Variants in PCDHA3 observed in about 807,000 individuals in gnomAD.
The protein encoded by PCDHA3 is protocadherin alpha-3.
A neutral mutation model predicts 62.2 loss-of-function variants in PCDHA3; 41 were observed. That is an observed-to-expected ratio of 0.66 (90% CI 0.51 to 0.86). The LOEUF is 0.86. Ranked by LOEUF, PCDHA3 falls within the 40% of genes least tolerant of loss-of-function variation. The pLI, the probability that PCDHA3 is intolerant of heterozygous loss-of-function variation, is 0.00. For missense variants in PCDHA3, 1,304 were observed against 1,241.2 expected (o/e 1.05, Z -0.76); for synonymous variants, 640 against 555.4 (o/e 1.15, Z -2.14).
In PCDHA3 at chr5:140,937,572, G is replaced by C. The variant is rs113857647; in HGVS notation, c.2395-41377G>C. On this transcript the variant is annotated intron_variant, in intron 1 of 3. Transcript: ENST00000522353. ...GCAGAGGTTGCAGTGAGCTGGGATC[G>C]CGTCACTGCACTCTAGCCTGGGCAA... Among the ~76,000 whole-genome samples, 273 of 151,500 alleles carry C rather than the reference G, an allele frequency of 1.8e-3. 1 individual carries two copies. Among genetic ancestry groups the C allele is most frequent in the African/African-American group, 6.4e-3 (263 of 41,048 alleles).
intron 3 of PCDHA3, among the ~76,000 whole-genome samples, chr5:141,005,306 C>T (rs1563689503): frequency 6.6e-6 from 1 of 152,158 alleles, no homozygotes; most frequent in Non-Finnish European, 1.5e-5. Context: ...CTTTGTGAAT[C>T]TTACAGTGGT....
chr5:140,830,086 T>G, intron 1 of PCDHA3: 1 of 1,613,548 alleles, frequency 6.2e-7, no homozygotes, highest in African/African-American at 1.3e-5. Context: ...CGGCCACGGT[T>G]CTGGTGTCGC....
chr5:140,877,156 G>A (rs1471783281), intron 1 of PCDHA3: 1 of 1,613,692 alleles, frequency 6.2e-7, no homozygotes, highest in Admixed American at 1.7e-5. Context: ...GAACGACAAC[G>A]CGCCGGCACT....
At position 140,809,055 on chromosome 5, in the gene PCDHA3, G is replaced by A. The variant is rs576133564; in HGVS notation, c.2394+5464G>A. On this transcript the variant is annotated intron_variant, in intron 1 of 3. Coordinates refer to ENST00000522353, the MANE Select transcript of PCDHA3 (RefSeq NM_018906.3). Reference sequence around the variant, plus strand: ...ACTGGTGGCGCGCGCATCCCGTTCCGCGTGGGGCTGTACACTGGCGAGATC... The same window carrying A: ...ACTGGTGGCGCGCGCATCCCGTTCCACGTGGGGCTGTACACTGGCGAGATC... 2.1e-5 allele frequency: 34 copies of A among 1,613,866 alleles called. No homozygotes were observed. The South Asian group carries it at 3.0e-4, about 14-fold the overall frequency.
chr5:140,808,455 T>C, intron 1 of PCDHA3: 1 of 1,614,220 alleles, frequency 6.2e-7, no homozygotes. Context: ...GCCTATGAGC[T>C]GGTGGTGACC....
intron 1 of PCDHA3, chr5:140,811,426 G>A (rs2150026278): frequency 6.6e-6 from 1 of 152,276 alleles, no homozygotes; most frequent in African/African-American, 2.4e-5. Context: ...CATTTGGGTT[G>A]GTTCCAAGTC....
At chr5:140,838,152 C>G (rs1353802529) in intron 1 of PCDHA3, among the ~76,000 whole-genome samples, 3 of 150,110 alleles carry the variant, frequency 2.0e-5, no homozygotes, top group Non-Finnish European at 4.4e-5. Context: ...TTTACTCTGT[C>G]GCCCTCTCTG....
intron 1 of PCDHA3, chr5:140,969,172 G>T (rs782196654): frequency 1.2e-5 from 19 of 1,614,086 alleles, no homozygotes; most frequent in Non-Finnish European, 1.5e-5. Context: ...CAGGCTCAGG[G>T]AGTGACACTT....
chr5:140,834,258 C>T, intron 1 of PCDHA3: 2 of 940,106 alleles, frequency 2.1e-6, no homozygotes, highest in Non-Finnish European at 3.2e-6. Context: ...AAAGACGCTC[C>T]ACTCTCTTTC....
intron 1 of PCDHA3, chr5:140,877,460 C>T: frequency 6.2e-7 from 1 of 1,613,840 alleles, no homozygotes; most frequent in Non-Finnish European, 8.5e-7. Context: ...ACGTCCACGG[C>T]CACGGTGCTG....
At chr5:140,995,488 C>T (rs1402273935) in intron 3 of PCDHA3, among the ~76,000 whole-genome samples, 26 of 152,182 alleles carry the variant, frequency 1.7e-4, no homozygotes, top group Admixed American at 1.6e-3. Context: ...TATTTTCAGA[C>T]TAAGGTTGAC....
In PCDHA3 at chr5:141,011,905, G is replaced by C. The variant is rs1400272126; in HGVS notation, c.*1968G>C. 4 of 153,222 alleles carry C rather than the reference G, an allele frequency of 2.6e-5. No individual in the cohort carries two copies. Among genetic ancestry groups the C allele is most frequent in the African/African-American group, 9.7e-5 (4 of 41,224 alleles). The allele number at this position is 153,222 out of a possible 1,614,324, so 9.5% of individuals were successfully genotyped here. A position where few individuals can be genotyped will look rare whatever the true frequency, so the allele number is the denominator to read the frequency against. ...TTGATTAATTATATTATCTATTTAG[G>C]CATTAATATAAAAGAGGTAGGAGTC... On this transcript the variant is annotated 3_prime_UTR_variant, in exon 4 of 4. Coordinates refer to ENST00000522353, the MANE Select transcript of PCDHA3 (RefSeq NM_018906.3).
At chr5:140,850,233 A>G in intron 1 of PCDHA3, 1 of 1,593,908 alleles carries the variant, frequency 6.3e-7, no homozygotes, top group Non-Finnish European at 8.6e-7. Context: ...AGTGAGCGAG[A>G]TGGTGCTGCG....
In PCDHA3 at chr5:140,884,156, G is replaced by C. The variant is rs1554181298; in HGVS notation, c.2394+80565G>C. 1 of 1,613,448 alleles carries C rather than the reference G, an allele frequency of 6.2e-7. No homozygotes were observed. Among genetic ancestry groups the C allele is most frequent in the Admixed American group, 1.7e-5 (1 of 60,012 alleles). On this transcript the variant is annotated intron_variant, in intron 1 of 3. Transcript: ENST00000522353. ...GTTCCGCGTGGGGCTGTACACTGGC[G>C]AGATCAGCACGACGCGCCCTCTGGA...
In PCDHA3 at chr5:140,803,111, C is replaced by G. The variant is rs981760111; in HGVS notation, c.1914C>G (p.Asp638Glu). The G allele has an allele frequency of 1.9e-6, 3 of 1,613,808 alleles. No individual in the cohort carries two copies. Among genetic ancestry groups the G allele is most frequent in the Admixed American group, 1.7e-5 (1 of 60,028 alleles). ...AGATCAGCACGACCCGTGCCCTGGA[C>G]GAGGTGGACGCCCCGCGCCATCGCC... is the stretch of plus-strand genomic sequence containing the variant. ...TGEISTTRAL[D>E]EVDAPRHRLL... The change falls in exon 1 of 4, where the codon GAC becomes GAG. Residue 638 changes from aspartate to glutamate, a missense_variant. Asp to Glu is a conservative substitution (Grantham distance 45). Transcript: ENST00000522353.
chr5:140,852,582 A>AT (rs2150518947), intron 1 of PCDHA3: 69,093 of 668,182 alleles, frequency 0.1, 1,214 homozygotes, highest in Non-Finnish European at 0.11. Flanking sequence ...AGGCTTTTTT[A>AT]TTTTTTTTTT....
At chr5:140,945,673 A>G (rs192775886) in intron 1 of PCDHA3, among the ~76,000 whole-genome samples, 137 of 152,272 alleles carry the variant, frequency 9.0e-4, no homozygotes, top group Middle Eastern at 3.4e-3. Context: ...CCAGAAATAA[A>G]TCCACACAGT....
In PCDHA3 at chr5:140,803,021, G is replaced by A. The variant is rs781966718; in HGVS notation, c.1824G>A (p.Ser608=). 5 of 1,614,014 alleles carry A rather than the reference G, an allele frequency of 3.1e-6. No homozygotes were observed. In the East Asian group the frequency reaches 8.9e-5, roughly 29 times the overall value. ...DADSGYNAWL[S]YELQPGTGGA... Reference sequence around the variant, plus strand: ...ACTCAGGCTACAACGCGTGGCTTTCGTATGAGCTGCAGCCTGGGACCGGCG... The same window carrying A: ...ACTCAGGCTACAACGCGTGGCTTTCATATGAGCTGCAGCCTGGGACCGGCG... The change falls in exon 1 of 4, where the codon TCG becomes TCA. Residue 608 remains serine (S), a synonymous_variant. Coordinates refer to ENST00000522353, the MANE Select transcript of PCDHA3 (RefSeq NM_018906.3).
At chr5:140,966,490 T>G (rs533525977) in intron 1 of PCDHA3, 2 of 437,964 alleles carry the variant, frequency 4.6e-6, no homozygotes, top group Non-Finnish European at 7.9e-6. Flanking sequence ...TCCCTCCCCC[T>G]GGAGCTGTAG....
Sources: gnomAD v4.1 joint callset for allele counts (sites outside exome capture counted in the v4.1 genomes callset) on GRCh38, gnomAD v4.1.1 for gene constraint, MANE v1.5 for transcripts, NCBI Gene and HGNC (gene_info 2026-07-23, HGNC 2026-07-21) for gene names.